The following RGS7 variants were observed in gnomAD, a reference collection of about 807,000 sequenced individuals.
The protein encoded by RGS7 is regulator of G protein signaling 7.
Under a neutral mutation model 81.1 loss-of-function variants are expected in RGS7, and 27 were observed. That is an observed-to-expected ratio of 0.33 (90% CI 0.25 to 0.46). The LOEUF (loss-of-function observed/expected upper bound fraction) is 0.46. RGS7 is among the 20% of genes least tolerant of loss of function. RGS7 has a pLI of 1.00. For missense variants in RGS7, 396 were observed against 607.4 expected (o/e 0.65, Z 3.66); for synonymous variants, 208 against 207.7 (o/e 1.00, Z -0.01).
intron 2 of RGS7, among the ~76,000 whole-genome samples, chr1:241,273,175 A>ACCCCC (rs56000973): frequency 3.8e-5 from 4 of 105,028 alleles, no homozygotes; most frequent in African/African-American, 6.2e-5. Flanking sequence ...ATAATAATGA[A>ACCCCC]CCCCCCCCCC....
chr1:241,220,513 G>A (rs1210689737), intron 2 of RGS7, among the ~76,000 whole-genome samples: 4 of 151,984 alleles, frequency 2.6e-5, no homozygotes, highest in Non-Finnish European at 5.9e-5. Context: ...TTTCCTTCCT[G>A]TCACCCTTCC....
chr1:241,086,456 C>T (rs1419519500), intron 3 of RGS7, among the ~76,000 whole-genome samples: 4 of 151,980 alleles, frequency 2.6e-5, no homozygotes, highest in African/African-American at 4.8e-5. Flanking sequence ...GTAATGAAGT[C>T]CTTCCTATGT....
intron 9 of RGS7, among the ~76,000 whole-genome samples, chr1:240,843,408 G>T (rs949529241): frequency 2.0e-5 from 3 of 151,952 alleles, no homozygotes; most frequent in African/African-American, 7.3e-5. Flanking sequence ...TGAGACTACA[G>T]GTGTGTATCA....
intron 9 of RGS7, among the ~76,000 whole-genome samples, chr1:240,845,662 G>A (rs1270339034): frequency 6.6e-6 from 1 of 152,134 alleles, no homozygotes; most frequent in Admixed American, 6.5e-5. Context: ...TCATTGTAAA[G>A]AATAAGTGGT....
At chr1:240,827,885 A>AAAAC (rs1558315825) in intron 9 of RGS7, among the ~76,000 whole-genome samples, 1 of 150,388 alleles carries the variant, frequency 6.6e-6, no homozygotes, top group Non-Finnish European at 1.5e-5. Flanking sequence ...AAAAAAAAAA[A>AAAAC]AAACAGGCTG....
intron 2 of RGS7, among the ~76,000 whole-genome samples, chr1:241,112,366 G>A (rs1005763484): frequency 2.6e-5 from 4 of 152,098 alleles, no homozygotes; most frequent in Non-Finnish European, 5.9e-5. Context: ...CCGTATATAT[G>A]ATAGTGCTTT....
rs187893882 is a variant in RGS7 at position 240,941,404 on chromosome 1, G to A, written c.227-4698C>T. Among the ~76,000 whole-genome samples the A allele has an allele frequency of 4.4e-4, 61 of 139,576 alleles. No homozygotes were observed. The East Asian group carries it at 0.012, about 27-fold the overall frequency. The allele number at this position is 139,576 out of a possible 152,430, so 91.6% of individuals were successfully genotyped here. ...CCTAGATGAAAAATCAGAAAGTTGG[G>A]GTGAATTTTTTGCTTCATTTAGGAT... On this transcript the variant is annotated intron_variant, in intron 4 of 18. Transcript: ENST00000440928.
chr1:241,048,191 C>T (rs1572439754), intron 3 of RGS7, among the ~76,000 whole-genome samples: 1 of 152,088 alleles, frequency 6.6e-6, no homozygotes, highest in African/African-American at 2.4e-5. Context: ...ACCTTATTTC[C>T]ACTTTAGATC....
intron 2 of RGS7, among the ~76,000 whole-genome samples, chr1:241,188,132 A>C (rs1372224655): frequency 7.9e-6 from 1 of 127,002 alleles, no homozygotes; most frequent in Non-Finnish European, 1.9e-5. Context: ...TGGGAGATGG[A>C]TATCCAAATT....
chr1:240,963,574 A>C (rs1681807638), intron 4 of RGS7, among the ~76,000 whole-genome samples: 1 of 152,206 alleles, frequency 6.6e-6, no homozygotes, highest in African/African-American at 2.4e-5. Context: ...ACTGAGAAGT[A>C]ATCATTGAAT....
At chr1:241,131,677 G>A (rs1284601629) in intron 2 of RGS7, among the ~76,000 whole-genome samples, 2 of 152,140 alleles carry the variant, frequency 1.3e-5, no homozygotes, top group African/African-American at 2.4e-5. Flanking sequence ...CTCTCATAAC[G>A]TGGCAGCCTT....
At chr1:241,295,336 C>T (rs909170655) in intron 2 of RGS7, among the ~76,000 whole-genome samples, 15 of 149,298 alleles carry the variant, frequency 1.0e-4, no homozygotes, top group Non-Finnish European at 2.1e-4. Flanking sequence ...GCCTGAAATC[C>T]CAGCTACTTG....
intron 18 of RGS7, among the ~76,000 whole-genome samples, chr1:240,790,347 T>C (rs573400154): frequency 1.3e-5 from 2 of 152,242 alleles, no homozygotes; most frequent in East Asian, 3.9e-4. Context: ...AGAGACCAGA[T>C]CTATTTTGTT....
intron 2 of RGS7, among the ~76,000 whole-genome samples, chr1:241,199,710 G>A (rs1297236314): frequency 6.7e-6 from 1 of 149,852 alleles, no homozygotes; most frequent in Non-Finnish European, 1.5e-5. Flanking sequence ...GAGAAAGGAT[G>A]ATGGGAATGA....
chr1:240,847,393 G>T (rs1273779714), intron 9 of RGS7, among the ~76,000 whole-genome samples: 1 of 152,202 alleles, frequency 6.6e-6, no homozygotes, highest in African/African-American at 2.4e-5. Context: ...TCTCACTCAA[G>T]AAGGAAGTTG....
intron 3 of RGS7, among the ~76,000 whole-genome samples, chr1:241,091,001 G>A (rs2063836674): frequency 6.6e-6 from 1 of 152,174 alleles, no homozygotes; most frequent in Non-Finnish European, 1.5e-5. Context: ...CCATGAGGTG[G>A]TGAGAAACAG....
At chr1:240,984,319 C>CA (rs1404102355) in intron 3 of RGS7, among the ~76,000 whole-genome samples, 1 of 152,118 alleles carries the variant, frequency 6.6e-6, no homozygotes, top group Non-Finnish European at 1.5e-5. Context: ...AGGCAGTCGA[C>CA]ATGTCTACTA....
At chr1:240,984,427 G>C (rs1202066105) in intron 3 of RGS7, among the ~76,000 whole-genome samples, 1 of 152,060 alleles carries the variant, frequency 6.6e-6, no homozygotes, top group Non-Finnish European at 1.5e-5. Context: ...CGACTAATTA[G>C]GTATAAAGGT....
chr1:241,108,808 G>A (rs1354274575), intron 2 of RGS7, among the ~76,000 whole-genome samples: 1 of 152,128 alleles, frequency 6.6e-6, no homozygotes, highest in Non-Finnish European at 1.5e-5. Context: ...GAATGAGTAA[G>A]ACTCCTGCAC....
Sources: allele counts gnomAD v4.1 joint callset (sites outside exome capture counted in the v4.1 genomes callset), GRCh38; gene constraint gnomAD v4.1.1; transcripts MANE v1.5; gene names NCBI Gene and HGNC (gene_info 2026-07-23, HGNC 2026-07-21).